GOLGA7: variants seen among roughly 807,000 people sequenced by gnomAD.
GOLGA7 encodes golgin subfamily A member 7.
In GOLGA7, 10 loss-of-function variants were observed where a neutral mutation model predicts 21.1. That is an observed-to-expected ratio of 0.47 (90% CI 0.29 to 0.80). The LOEUF is 0.80. Among genes scored for constraint, GOLGA7 ranks in the 30% least tolerant of loss-of-function variants. The pLI, the probability that GOLGA7 is intolerant of heterozygous loss-of-function variation, is 0.08. For missense variants in GOLGA7, 114 were observed against 166.8 expected (o/e 0.68, Z 1.74); for synonymous variants, 64 against 62.6 (o/e 1.02, Z -0.10).
chr8:41,502,896 TAA>T (rs1439268214), intron 2 of GOLGA7, among the ~76,000 whole-genome samples: 3 of 152,198 alleles, frequency 2.0e-5, no homozygotes, highest in Admixed American at 2.0e-4. Context: ...CCAAAAATAA[TAA>T]AGTGTGAATA....
chr8:41,503,789 A>T (rs1181729406), intron 2 of GOLGA7, among the ~76,000 whole-genome samples: 2 of 141,946 alleles, frequency 1.4e-5, no homozygotes, highest in Non-Finnish European at 3.0e-5. Flanking sequence ...TTTTGGTACC[A>T]GTACCATGCT....
In GOLGA7 at chr8:41,494,924, A is replaced by AG. The variant is rs1207514870; in HGVS notation, c.112-2585_112-2584insG. Among the ~76,000 whole-genome samples the AG allele has an allele frequency of 2.0e-5, 3 of 152,150 alleles. No homozygotes were observed. In the East Asian group the frequency reaches 5.8e-4, roughly 29 times the overall value. ...ATGGTCATGAATTGTTTTACACTTT[A>AG]AAAGATTATGTTCTTGAGGCCAGGT... On this transcript the variant is annotated intron_variant, in intron 1 of 4. Coordinates refer to ENST00000357743, the MANE Select transcript of GOLGA7 (RefSeq NM_001002296.2).
intron 2 of GOLGA7, among the ~76,000 whole-genome samples, chr8:41,499,586 A>G (rs993575823): frequency 1.3e-5 from 2 of 152,132 alleles, no homozygotes; most frequent in African/African-American, 2.4e-5. Flanking sequence ...GATTCTGCCA[A>G]TTGATGGCCT....
rs1293662494 is a variant in GOLGA7, at chr8:41,510,929, T to A, written c.*1361T>A. On this transcript the variant is annotated 3_prime_UTR_variant, in exon 5 of 5. Transcript: ENST00000357743. ...TAGTGTGTCTGCATTTTCAACCTGT[T>A]GCAATAACTTTGCTGAAATATTAAC... The A allele has an allele frequency of 2.4e-5, 4 of 163,994 alleles. No homozygotes were observed. Among genetic ancestry groups the A allele is most frequent in the Non-Finnish European group, 5.3e-5 (4 of 75,338 alleles). The allele number at this position is 163,994 out of a possible 1,614,324, so 10.2% of individuals were successfully genotyped here.
intron 1 of GOLGA7, among the ~76,000 whole-genome samples, chr8:41,493,511 C>T (rs561534784): frequency 1.3e-5 from 2 of 152,280 alleles, no homozygotes; most frequent in Admixed American, 1.3e-4. Context: ...GATGCTTAAG[C>T]GATTTGTTGC....
chr8:41,504,906 ACTT>A (rs1806246389), intron 2 of GOLGA7, among the ~76,000 whole-genome samples: 1 of 152,114 alleles, frequency 6.6e-6, no homozygotes, highest in Non-Finnish European at 1.5e-5. Flanking sequence ...ATTTCCATAC[ACTT>A]CTTTTTTCCC....
At position 41,490,719 on chromosome 8, in the gene GOLGA7, A is replaced by C. The variant is rs1805858703; in HGVS notation, c.-136A>C. On this transcript the variant is annotated 5_prime_UTR_variant, in exon 1 of 5. Transcript: ENST00000357743. Reference sequence around the variant, plus strand: ...CAGCATGGGTGAAGGGGAGCGGGGCAGAGGAGGCCTTGGGCTGTTTTCGGC... The same window carrying C: ...CAGCATGGGTGAAGGGGAGCGGGGCCGAGGAGGCCTTGGGCTGTTTTCGGC... 1.6e-6 allele frequency: 1 copy of C among 617,202 alleles called. No homozygotes were observed. The highest frequency in any genetic ancestry group is 1.9e-5 in the African/African-American group (1 of 53,820). The allele number at this position is 617,202 out of a possible 1,614,324, so 38.2% of individuals were successfully genotyped here.
At chr8:41,497,043 C>T (rs956836086) in intron 1 of GOLGA7, among the ~76,000 whole-genome samples, 20 of 151,730 alleles carry the variant, frequency 1.3e-4, no homozygotes, top group Non-Finnish European at 1.5e-5. Context: ...ATCTCCTGAC[C>T]TCGTGATCCG....
At chr8:41,491,295 T>C (rs1008292999) in intron 1 of GOLGA7, among the ~76,000 whole-genome samples, 6 of 152,156 alleles carry the variant, frequency 3.9e-5, no homozygotes, top group Admixed American at 3.3e-4. Context: ...GAGGAGCCAA[T>C]TCCTGAGGCT....
chr8:41,491,008 A>G (rs72633892), intron 1 of GOLGA7, 43 bp downstream of exon 1: 21,417 of 1,137,888 alleles, frequency 0.019, 243 homozygotes, highest in Non-Finnish European at 0.021. Flanking sequence ...CGAGGGAGAG[A>G]GACTCACCGG....
chr8:41,499,798 T>G (rs953734192), intron 2 of GOLGA7, among the ~76,000 whole-genome samples: 2 of 152,310 alleles, frequency 1.3e-5, no homozygotes, highest in Non-Finnish European at 2.9e-5. Context: ...AACAAAAATG[T>G]CTGTCTTCAC....
chr8:41,497,501 C>T lies in GOLGA7; in HGVS notation c.112-8C>T. The T allele has an allele frequency of 7.0e-7, 1 of 1,422,152 alleles. No individual in the cohort carries two copies. Among genetic ancestry groups the T allele is most frequent in the Non-Finnish European group, 9.6e-7 (1 of 1,038,976 alleles). 88.1% of individuals were successfully genotyped at this position (1,422,152 alleles called of 1,614,324 possible). A position where few individuals can be genotyped will look rare whatever the true frequency, so the allele number is the denominator to read the frequency against. Reference sequence around the variant, plus strand: ...AAACTTAATTTTTAAATATTTTCTTCTCTACAGATTGATAGGCAGCAGTTT... The same window carrying T: ...AAACTTAATTTTTAAATATTTTCTTTTCTACAGATTGATAGGCAGCAGTTT... On this transcript the variant is annotated splice_region_variant and splice_polypyrimidine_tract_variant and intron_variant, in intron 1 of 4. Coordinates refer to ENST00000357743, the MANE Select transcript of GOLGA7 (RefSeq NM_001002296.2).
chr8:41,507,354 G>A lies in GOLGA7; in HGVS notation c.*15+233G>A, dbSNP rs983738617. On this transcript the variant is annotated intron_variant, in intron 4 of 4. Coordinates refer to ENST00000357743, the MANE Select transcript of GOLGA7 (RefSeq NM_001002296.2). ...CTGATTTTTTTTCCTGCTGTATTGTGTTCAGACTGGTTTTGTTGTTACTTT... is the reference window on the plus strand; with the variant it reads ...CTGATTTTTTTTCCTGCTGTATTGTATTCAGACTGGTTTTGTTGTTACTTT... Among the ~76,000 whole-genome samples, 9 of 152,226 alleles carry A rather than the reference G, an allele frequency of 5.9e-5. No homozygotes were observed. In the South Asian group the frequency reaches 8.3e-4, roughly 14 times the overall value.
At position 41,506,977 on chromosome 8, in the gene GOLGA7, C is replaced by T. The variant is rs550015936; in HGVS notation, c.367-82C>T. 1.2e-3 allele frequency: 898 copies of T among 761,044 alleles called. 5 individuals carry two copies. Among genetic ancestry groups the T allele is most frequent in the Non-Finnish European group, 1.9e-3 (786 of 419,468 alleles). 47.1% of individuals were successfully genotyped at this position (761,044 alleles called of 1,614,324 possible). On this transcript the variant is annotated intron_variant, in intron 3 of 4. Coordinates refer to ENST00000357743, the MANE Select transcript of GOLGA7 (RefSeq NM_001002296.2). ...TAAAGCAAACTGAAAGCAAAGTCTG[C>T]AGATCACACCCTCCACCTTGCCAAG...
chr8:41,495,518 C>T (rs1436853774), intron 1 of GOLGA7, among the ~76,000 whole-genome samples: 6 of 151,524 alleles, frequency 4.0e-5, no homozygotes, highest in African/African-American at 1.5e-4. Context: ...CTCCTGAGCT[C>T]AAGTGATCCA....
chr8:41,497,840 G>GT (rs1380634066), intron 2 of GOLGA7, among the ~76,000 whole-genome samples, 179 bp downstream of exon 2: 11 of 152,334 alleles, frequency 7.2e-5, no homozygotes, highest in African/African-American at 2.4e-4. Flanking sequence ...ACAGGTTGCA[G>GT]TTGGTATGTC....
rs1232962813 is a variant in GOLGA7, at chr8:41,509,710, A to C, written c.*142A>C. On this transcript the variant is annotated 3_prime_UTR_variant, in exon 5 of 5. Coordinates refer to ENST00000357743, the MANE Select transcript of GOLGA7 (RefSeq NM_001002296.2). Reference sequence around the variant, plus strand: ...ACGGTGCCATTTACTCCAAGGACTCACTTTCTAAAATTCCACACCTGGAGT... The same window carrying C: ...ACGGTGCCATTTACTCCAAGGACTCCCTTTCTAAAATTCCACACCTGGAGT... The C allele has an allele frequency of 6.6e-6, 1 of 152,630 alleles. No homozygotes were observed. Among genetic ancestry groups the C allele is most frequent in the Non-Finnish European group, 1.5e-5 (1 of 68,042 alleles). The allele number at this position is 152,630 out of a possible 1,614,324, so 9.5% of individuals were successfully genotyped here. A position where few individuals can be genotyped will look rare whatever the true frequency, so the allele number is the denominator to read the frequency against.
chr8:41,494,009 A>C (rs1805947738), intron 1 of GOLGA7, among the ~76,000 whole-genome samples: 1 of 151,190 alleles, frequency 6.6e-6, no homozygotes, highest in Non-Finnish European at 1.5e-5. Context: ...TTTACCCTTT[A>C]TTTCCCTTTT....
intron 2 of GOLGA7, among the ~76,000 whole-genome samples, chr8:41,504,129 A>C (rs1449423239): frequency 5.9e-4 from 86 of 145,068 alleles, no homozygotes; most frequent in African/African-American, 2.2e-3. Context: ...ATAAAAAAAA[A>C]AAAAAAACAA....
Sources: allele counts gnomAD v4.1 joint callset (sites outside exome capture counted in the v4.1 genomes callset), GRCh38; gene constraint gnomAD v4.1.1; transcripts MANE v1.5; gene names NCBI Gene and HGNC (gene_info 2026-07-23, HGNC 2026-07-21).